Variants in PRIM2 observed in about 807,000 individuals in gnomAD.
The protein encoded by PRIM2 is DNA primase subunit 2, also known as DNA primase large subunit.
In PRIM2, 39 loss-of-function variants were observed where a neutral mutation model predicts 67.3. The observed-to-expected ratio is 0.58, with a 90% CI of 0.45 to 0.76. PRIM2 has a LOEUF of 0.76. Among genes scored for constraint, PRIM2 ranks in the 30% least tolerant of loss-of-function variants. The pLI, the probability that PRIM2 is intolerant of heterozygous loss-of-function variation, is 0.00. For missense variants in PRIM2, 398 were observed against 598.7 expected (o/e 0.66, Z 3.50); for synonymous variants, 143 against 198.7 (o/e 0.72, Z 2.36).
At chr6:57,595,103 G>A (rs1183216668) in intron 10 of PRIM2, among the ~76,000 whole-genome samples, 50 of 152,264 alleles carry the variant, frequency 3.3e-4, no homozygotes, top group African/African-American at 1.1e-3. Flanking sequence ...TAGCAATATT[G>A]ATCATACCAA....
At chr6:57,491,417 A>T (rs1361715469) in intron 7 of PRIM2, among the ~76,000 whole-genome samples, 2 of 152,352 alleles carry the variant, frequency 1.3e-5, no homozygotes, top group African/African-American at 4.8e-5. Context: ...ATTGAAAAAG[A>T]TACAGGGTGG....
At position 57,352,833 on chromosome 6, in the gene PRIM2, G is replaced by A. The variant is rs554080649; in HGVS notation, c.459+26788G>A. On this transcript the variant is annotated intron_variant, in intron 5 of 13. Coordinates refer to ENST00000615550, the MANE Select transcript of PRIM2 (RefSeq NM_000947.5). ...ATACCAGTCCATTCAGTGTAGAAGG[G>A]GAAAAAAAATAGTGTCATGAATTGA... 2.6e-5 allele frequency among the ~76,000 whole-genome samples: 4 copies of A among 151,504 alleles called. No individual in the cohort carries two copies. In the South Asian group the frequency reaches 8.3e-4, roughly 32 times the overall value.
In PRIM2 at chr6:57,326,336, C is replaced by T. The variant is rs538793807; in HGVS notation, c.459+291C>T. ...TCATCTTTAACCAAAATTTTGTCGGCCAAAATAAAGCTAATAATGTGTTAA... is the reference window on the plus strand; with the variant it reads ...TCATCTTTAACCAAAATTTTGTCGGTCAAAATAAAGCTAATAATGTGTTAA... On this transcript the variant is annotated intron_variant, in intron 5 of 13. Transcript: ENST00000615550. The T allele has an allele frequency of 1.4e-3, 336 of 232,954 alleles. 1 individual carries two copies. The highest frequency in any genetic ancestry group is 2.4e-3 in the Non-Finnish European group (295 of 122,030). 14.4% of individuals were successfully genotyped at this position (232,954 alleles called of 1,614,324 possible). A position where few individuals can be genotyped will look rare whatever the true frequency, so the allele number is the denominator to read the frequency against.
At chr6:57,497,164 A>T (rs1554346450) in intron 7 of PRIM2, among the ~76,000 whole-genome samples, 5 of 152,168 alleles carry the variant, frequency 3.3e-5, no homozygotes, top group Non-Finnish European at 5.9e-5. Flanking sequence ...CGTTTTTAAG[A>T]TAACTATATG....
At chr6:57,376,146 C>T (rs541646496) in intron 5 of PRIM2, among the ~76,000 whole-genome samples, 35 of 152,218 alleles carry the variant, frequency 2.3e-4, no homozygotes, top group East Asian at 5.8e-4. Context: ...CTCAGTGATC[C>T]GTGATCATAC....
the PRIM2 span, among the ~76,000 whole-genome samples, chr6:57,231,762 TA>T: frequency 6.6e-6 from 1 of 152,152 alleles, no homozygotes; most frequent in Admixed American, 6.5e-5. Flanking sequence ...ATCAAAATTA[TA>T]AATGTGTATT....
intron 5 of PRIM2, among the ~76,000 whole-genome samples, chr6:57,336,588 A>C (rs1379002221): frequency 2.0e-5 from 3 of 152,068 alleles, no homozygotes; most frequent in Admixed American, 1.3e-4. Flanking sequence ...TTCAACCCAG[A>C]ATTTCATATC....
At chr6:57,464,570 C>T (rs535344912) in intron 7 of PRIM2, among the ~76,000 whole-genome samples, 13 of 152,248 alleles carry the variant, frequency 8.5e-5, no homozygotes, top group Middle Eastern at 3.4e-3. Flanking sequence ...CCACCACGCC[C>T]GGCCTCCCTT....
At chr6:57,512,890 C>T (rs1247351279) in intron 8 of PRIM2, among the ~76,000 whole-genome samples, 16 of 152,270 alleles carry the variant, frequency 1.1e-4, no homozygotes, top group African/African-American at 3.4e-4. Context: ...AGCCACCGTG[C>T]TCACCATGCA....
chr6:57,387,699 G>T (rs967317930), intron 7 of PRIM2, among the ~76,000 whole-genome samples: 34 of 151,952 alleles, frequency 2.2e-4, no homozygotes, highest in Non-Finnish European at 1.0e-4. Flanking sequence ...GGAAAAGAAT[G>T]AGGGAAAGAT....
intron 7 of PRIM2, among the ~76,000 whole-genome samples, chr6:57,407,943 G>A (rs556779810): frequency 6.6e-6 from 1 of 152,224 alleles, no homozygotes; most frequent in Non-Finnish European, 1.5e-5. Context: ...TTTGCAGAGA[G>A]GGAAACTTGG....
intron 7 of PRIM2, among the ~76,000 whole-genome samples, chr6:57,384,956 T>C (rs1422864763): frequency 6.6e-6 from 1 of 152,240 alleles, no homozygotes; most frequent in Non-Finnish European, 1.5e-5. Context: ...TTTTGACTGT[T>C]TTATAAATTT....
chr6:57,591,491 C>T (rs1338307629), intron 10 of PRIM2, among the ~76,000 whole-genome samples: 2 of 152,064 alleles, frequency 1.3e-5, no homozygotes, highest in African/African-American at 4.8e-5. Flanking sequence ...AAATTCTGGG[C>T]ACTGGTGAGT....
chr6:57,294,572 A>G, the PRIM2 span, among the ~76,000 whole-genome samples: 1 of 151,726 alleles, frequency 6.6e-6, no homozygotes, highest in East Asian at 1.9e-4. Flanking sequence ...TTTATACATA[A>G]ATTTATGTAT....
chr6:57,450,743 T>G (rs1413918103), intron 7 of PRIM2, among the ~76,000 whole-genome samples: 1 of 152,232 alleles, frequency 6.6e-6, no homozygotes, highest in African/African-American at 2.4e-5. Flanking sequence ...CCCTAATGAT[T>G]TATATGATCA....
intron 5 of PRIM2, among the ~76,000 whole-genome samples, chr6:57,335,169 C>A (rs562239382): frequency 6.6e-6 from 1 of 150,614 alleles, no homozygotes; most frequent in Non-Finnish European, 1.5e-5. Context: ...TAAAAAACGG[C>A]GCACCAGGAG....
At chr6:57,316,285 G>T (rs1276594740), upstream of PRIM2, among the ~76,000 whole-genome samples, 1 of 152,150 alleles carries the variant, frequency 6.6e-6, no homozygotes, top group African/African-American at 2.4e-5. Flanking sequence ...TTAGCCAGGC[G>T]CCTGTAATCC....
intron 8 of PRIM2, among the ~76,000 whole-genome samples, chr6:57,515,488 G>A (rs1774463997): frequency 2.0e-5 from 3 of 152,230 alleles, no homozygotes; most frequent in African/African-American, 7.2e-5. Context: ...TCTTGCCCAA[G>A]TGAGAAAGTG....
chr6:57,446,637 A>C, intron 7 of PRIM2, among the ~76,000 whole-genome samples: 1 of 151,906 alleles, frequency 6.6e-6, no homozygotes, highest in Non-Finnish European at 1.5e-5. Flanking sequence ...AGAAATATCC[A>C]TTCAGTTATT....
Sources: gnomAD v4.1 joint callset for allele counts (sites outside exome capture counted in the v4.1 genomes callset) on GRCh38, gnomAD v4.1.1 for gene constraint, MANE v1.5 for transcripts, NCBI Gene and HGNC (gene_info 2026-07-23, HGNC 2026-07-21) for gene names.